The following FBXO34 variants were observed in gnomAD, a reference collection of about 807,000 sequenced individuals.
The protein encoded by FBXO34 is F-box only protein 34.
In FBXO34, 12 loss-of-function variants were observed where a neutral mutation model predicts 24.5. The ratio of observed to expected loss-of-function variants is 0.49; its 90% CI spans 0.31 to 0.79. The LOEUF (loss-of-function observed/expected upper bound fraction) is 0.79, where lower values mean the gene tolerates loss of function less well. Among genes scored for constraint, FBXO34 ranks in the 30% least tolerant of loss-of-function variants. The probability of loss-of-function intolerance (pLI) is 0.04; values close to 1 mark genes in which losing one functional copy is unlikely to be tolerated. For synonymous variants in FBXO34, 320 were observed against 311.9 expected, an observed-to-expected ratio of 1.03 and a Z score of -0.27; for missense variants, 823 against 857.7, an observed-to-expected ratio of 0.96 and a Z score of 0.51.
chr14:55,293,162 T>C (rs980521492), intron 1 of FBXO34, among the ~76,000 whole-genome samples: 2 of 151,682 alleles, frequency 1.3e-5, no homozygotes, highest in Non-Finnish European at 2.9e-5. Context: ...GGATTACAGA[T>C]GTGAGCCACC....
At chr14:55,412,292 G>C in the FBXO34 span, among the ~76,000 whole-genome samples, 1 of 152,146 alleles carries the variant, frequency 6.6e-6, no homozygotes, top group African/African-American at 2.4e-5. Context: ...TGTGTGACTT[G>C]GGGCAAGTTC....
At chr14:55,423,235 C>A in the FBXO34 span, among the ~76,000 whole-genome samples, 1 of 152,126 alleles carries the variant, frequency 6.6e-6, no homozygotes, top group Non-Finnish European at 1.5e-5. Context: ...TCTTTGGTAC[C>A]ATTTTGTTTG....
the FBXO34 span, among the ~76,000 whole-genome samples, chr14:55,425,761 G>A: frequency 6.6e-6 from 1 of 152,056 alleles, no homozygotes; most frequent in South Asian, 2.1e-4. Flanking sequence ...CTGCTTTATG[G>A]TCTCATAGCC....
chr14:55,305,654 A>T (rs1882517708), intron 1 of FBXO34, among the ~76,000 whole-genome samples: 1 of 149,994 alleles, frequency 6.7e-6, no homozygotes, highest in South Asian at 2.1e-4. Context: ...AGATCGTGCC[A>T]CTGCACTCCT....
downstream of FBXO34, among the ~76,000 whole-genome samples, chr14:55,362,267 A>G (rs1171524586): frequency 6.6e-6 from 1 of 152,220 alleles, no homozygotes; most frequent in Non-Finnish European, 1.5e-5. Flanking sequence ...ACATTTATTA[A>G]GTTTGCTCTC....
the FBXO34 span, among the ~76,000 whole-genome samples, chr14:55,409,084 A>T: frequency 2.0e-5 from 3 of 152,234 alleles, no homozygotes; most frequent in Non-Finnish European, 4.4e-5. Context: ...GGAGATCACT[A>T]CGTAGTCAGG....
the FBXO34 span, chr14:55,440,303 G>T: frequency 4.1e-6 from 6 of 1,465,274 alleles, no homozygotes; most frequent in Admixed American, 1.0e-4. Context: ...TCTTATGGTC[G>T]CTATGAGTTT....
intron 1 of FBXO34, among the ~76,000 whole-genome samples, chr14:55,309,595 A>G (rs190349599): frequency 1.3e-5 from 2 of 152,368 alleles, no homozygotes; most frequent in African/African-American, 4.8e-5. Context: ...CATGTACTGC[A>G]TAAAATTATT....
In FBXO34 at chr14:55,350,384, C is replaced by A; in HGVS notation, c.-7C>A. 1 of 1,526,462 alleles carries A rather than the reference C, an allele frequency of 6.6e-7. No homozygotes were observed. Among genetic ancestry groups the A allele is most frequent in the Non-Finnish European group, 8.7e-7 (1 of 1,143,286 alleles). The allele number at this position is 1,526,462 out of a possible 1,614,324, so 94.6% of individuals were successfully genotyped here. On this transcript the variant is annotated 5_prime_UTR_variant, in exon 2 of 2. Coordinates refer to ENST00000313833, the MANE Select transcript of FBXO34 (RefSeq NM_017943.4). ...AATGTGTATTTCTTTCCTATAGGGG[C>A]TTTGTTATGCACCTAAAGCCATATT...
At chr14:55,323,214 A>ATAT (rs1236501244) in intron 1 of FBXO34, among the ~76,000 whole-genome samples, 2 of 38,910 alleles carry the variant, frequency 5.1e-5, no homozygotes, top group Admixed American at 3.6e-4. Flanking sequence ...AAAAAAAAAA[A>ATAT]AAAAATATAT....
At chr14:55,319,980 C>A (rs1883073123) in intron 1 of FBXO34, among the ~76,000 whole-genome samples, 1 of 152,082 alleles carries the variant, frequency 6.6e-6, no homozygotes, top group Non-Finnish European at 1.5e-5. Flanking sequence ...CCAATTTTTC[C>A]TGAACTTTCA....
chr14:55,440,668 G>C, the FBXO34 span: 2 of 1,168,856 alleles, frequency 1.7e-6, no homozygotes, highest in South Asian at 1.6e-5. Flanking sequence ...GCCCATGGGC[G>C]CTGGGAAGCG....
chr14:55,277,608 C>G (rs1396267547), intron 1 of FBXO34, among the ~76,000 whole-genome samples: 1 of 152,180 alleles, frequency 6.6e-6, no homozygotes, highest in African/African-American at 2.4e-5. Context: ...AAGTGATCCT[C>G]AGCCTTCTGA....
the FBXO34 span, chr14:55,440,650 A>G: frequency 7.7e-7 from 1 of 1,303,472 alleles, no homozygotes; most frequent in Non-Finnish European, 1.0e-6. Context: ...TGCGGAACCC[A>G]GCTACCGGCC....
the FBXO34 span, among the ~76,000 whole-genome samples, chr14:55,431,875 C>T: frequency 6.6e-6 from 1 of 152,206 alleles, no homozygotes; most frequent in Non-Finnish European, 1.5e-5. Flanking sequence ...GTGGCTATAT[C>T]ATTGCATTAA....
the FBXO34 span, chr14:55,397,359 A>T: frequency 3.7e-6 from 6 of 1,610,770 alleles, no homozygotes; most frequent in African/African-American, 1.3e-5. Context: ...AAAAGACAAA[A>T]CAAAACACTC....
At chr14:55,411,425 C>G in the FBXO34 span, among the ~76,000 whole-genome samples, 1 of 152,198 alleles carries the variant, frequency 6.6e-6, no homozygotes, top group African/African-American at 2.4e-5. Flanking sequence ...TCATCTGGCC[C>G]CTACGCTGTC....
chr14:55,298,571 G>A (rs915562389), intron 1 of FBXO34: 89 of 715,792 alleles, frequency 1.2e-4, no homozygotes, highest in Non-Finnish European at 1.8e-4. Context: ...AGCAAATTTG[G>A]CAGGGTGGAG....
At chr14:55,374,094 G>A (rs1044792259), downstream of FBXO34, among the ~76,000 whole-genome samples, 4 of 152,238 alleles carry the variant, frequency 2.6e-5, no homozygotes, top group African/African-American at 7.2e-5. Flanking sequence ...TCCAGTATGA[G>A]TGCTTTTTTC....
Sources: allele counts gnomAD v4.1 joint callset (sites outside exome capture counted in the v4.1 genomes callset), GRCh38; gene constraint gnomAD v4.1.1; transcripts MANE v1.5; gene names NCBI Gene and HGNC (gene_info 2026-07-23, HGNC 2026-07-21).